Variants in GALC observed in about 807,000 individuals in gnomAD.
The protein encoded by GALC is galactosylceramidase.
A neutral mutation model predicts 91.8 loss-of-function variants in GALC; 77 were observed. The observed-to-expected ratio is 0.84, with a 90% CI of 0.70 to 1.01. The LOEUF is 1.01. Among genes scored for constraint, GALC ranks in the 50% least tolerant of loss-of-function variants. The pLI is 0.00. For missense variants in GALC, 882 were observed against 855.9 expected (o/e 1.03, Z -0.38); for synonymous variants, 357 against 306.7 (o/e 1.16, Z -1.71).
chr14:87,987,324 T>C (rs1887017738), intron 3 of GALC, among the ~76,000 whole-genome samples: 1 of 152,246 alleles, frequency 6.6e-6, no homozygotes. Context: ...TATGTACCTC[T>C]ACCTCTAATT....
At chr14:87,952,866 G>C in intron 10 of GALC, 1 of 1,106,548 alleles carries the variant, frequency 9.0e-7, no homozygotes, top group Non-Finnish European at 1.4e-6. Flanking sequence ...ATGTGGATTT[G>C]AAAGCATAGT....
intron 1 of GALC, 141 bp downstream of exon 1, chr14:87,992,829 C>A (rs1887266164): frequency 7.1e-7 from 1 of 1,402,760 alleles, no homozygotes. Context: ...GCCCCAACCG[C>A]CTGCTGACTG....
chr14:87,948,531 C>T (rs12433598), intron 12 of GALC, among the ~76,000 whole-genome samples: 53,019 of 151,878 alleles, frequency 0.35, 10,415 homozygotes, highest in East Asian at 0.75. Context: ...ATGGAAAACG[C>T]TCCCAGTATC....
At chr14:87,955,498 G>A (rs190645011) in intron 10 of GALC, among the ~76,000 whole-genome samples, 296 of 152,098 alleles carry the variant, frequency 1.9e-3, no homozygotes, top group African/African-American at 7.0e-3. Flanking sequence ...TCCCTGCTAC[G>A]TTCCAGGCAT....
chr14:87,969,384 G>A (rs1240778451), intron 7 of GALC, among the ~76,000 whole-genome samples: 12 of 152,150 alleles, frequency 7.9e-5, no homozygotes, highest in South Asian at 4.1e-4. Context: ...TCTATCATTC[G>A]ATGGGAGGGG....
At chr14:87,968,549 G>C in intron 7 of GALC, 59 bp from the exon 8 acceptor site, 3 of 1,476,266 alleles carry the variant, frequency 2.0e-6, no homozygotes, top group Non-Finnish European at 2.8e-6. Context: ...ACTTATATAC[G>C]TATAGATTTG....
At position 87,934,000 on chromosome 14, in the gene GALC, C is replaced by G; in HGVS notation, c.*732G>C. On this transcript the variant is annotated 3_prime_UTR_variant, in exon 17 of 17. Transcript: ENST00000261304. ...AGGTTTTCTTCCTTCTTCCAGCCAC[C>G]TGGAAAAACGTTCACAGAGAGTTAT... The G allele has an allele frequency of 6.5e-7, 1 of 1,534,602 alleles. No individual in the cohort carries two copies. Among genetic ancestry groups the G allele is most frequent in the Non-Finnish European group, 8.7e-7 (1 of 1,146,034 alleles).
At chr14:87,981,525 A>G in intron 6 of GALC, 1 of 162,866 alleles carries the variant, frequency 6.1e-6, no homozygotes, top group East Asian at 1.8e-4. Context: ...TATATTTCTT[A>G]GAGAAAAGAT....
intron 16 of GALC, among the ~76,000 whole-genome samples, chr14:87,935,531 G>T (rs1401977773): frequency 1.3e-5 from 2 of 152,016 alleles, no homozygotes; most frequent in African/African-American, 2.4e-5. Context: ...GTGACTTACT[G>T]GTCACTGACA....
Position 87,950,727 on chromosome 14 carries a change from T to G in GALC, c.1183A>C (p.Ile395Leu), listed in dbSNP as rs763125933. Residue 395 changes from isoleucine to leucine, a missense_variant, in exon 11 of 17, where the codon ATA becomes CTA. By Grantham distance (5) the Ile-to-Leu change is conservative (BLOSUM62 2). Coordinates refer to ENST00000261304, the MANE Select transcript of GALC (RefSeq NM_000153.4). ...TTGAAATAAGGAAGAAATGGCCGTA[T>G]GCACTTAGAATGTTTATGACTCTGA... ...ETMSHKHSKC[I>L]RPFLPYFNVS... The G allele has an allele frequency of 2.5e-6, 4 of 1,596,374 alleles. No homozygotes were observed. The South Asian group carries it at 3.3e-5, about 13-fold the overall frequency.
intron 12 of GALC, among the ~76,000 whole-genome samples, chr14:87,949,343 C>G (rs936582347): frequency 2.0e-5 from 3 of 151,946 alleles, no homozygotes; most frequent in Non-Finnish European, 2.9e-5. Context: ...ATGTGCTACA[C>G]TAAGGAATGT....
intron 8 of GALC, among the ~76,000 whole-genome samples, chr14:87,966,946 T>C (rs891432342): frequency 2.6e-5 from 4 of 152,140 alleles, no homozygotes; most frequent in African/African-American, 9.7e-5. Context: ...TTGTGTGGCA[T>C]CAGAATCACT....
rs1884457974 is a variant in GALC, at chr14:87,933,838, T to C, written c.*894A>G. The C allele has an allele frequency of 6.0e-6, 4 of 663,992 alleles. No homozygotes were observed. The highest frequency in any genetic ancestry group is 5.3e-5 in the Admixed American group (2 of 38,008). The allele number at this position is 663,992 out of a possible 1,614,324, so 41.1% of individuals were successfully genotyped here. On this transcript the variant is annotated 3_prime_UTR_variant, in exon 17 of 17. Coordinates refer to ENST00000261304, the MANE Select transcript of GALC (RefSeq NM_000153.4). ...TTCTGGGAGTTAGCAAATGTCTAAG[T>C]GCTCCCCTCCTTCCACACATAAGGA...
chr14:87,983,197 G>C (rs1246584062), intron 5 of GALC, among the ~76,000 whole-genome samples: 1 of 151,990 alleles, frequency 6.6e-6, no homozygotes, highest in African/African-American at 2.4e-5. Flanking sequence ...AAAACTAGCT[G>C]GGTGTGGTGG....
intron 7 of GALC, among the ~76,000 whole-genome samples, chr14:87,972,122 A>T (rs1311839394): frequency 6.6e-6 from 1 of 151,960 alleles, no homozygotes; most frequent in African/African-American, 2.4e-5. Context: ...CCAAAATTGG[A>T]AACAGTCTAA....
chr14:87,983,099 G>GGAGGCC (rs1331709553), intron 5 of GALC, among the ~76,000 whole-genome samples: 1 of 152,104 alleles, frequency 6.6e-6, no homozygotes, highest in African/African-American at 2.4e-5. Context: ...CAGCACTTTG[G>GGAGGCC]GAGGCCGAGG....
intron 14 of GALC, among the ~76,000 whole-genome samples, chr14:87,942,565 G>C (rs1014253565): frequency 6.6e-6 from 1 of 151,956 alleles, no homozygotes; most frequent in Non-Finnish European, 1.5e-5. Context: ...GAAAAAGAAA[G>C]CCTGCACATA....
chr14:87,983,688 C>G (rs867989673), intron 5 of GALC, among the ~76,000 whole-genome samples: 1 of 152,118 alleles, frequency 6.6e-6, no homozygotes, highest in Non-Finnish European at 1.5e-5. Context: ...TGTTAAGGCC[C>G]TGTGGGGTAC....
chr14:87,947,711 T>C lies in GALC; in HGVS notation c.1489+17A>G. On this transcript the variant is annotated intron_variant, in intron 13 of 16. Transcript: ENST00000261304. ...TAAATATAGAGACCAAGTTAAGTTT[T>C]AGTGAAAAATACTCACCAACATTGA... 1 of 1,609,814 alleles carries C rather than the reference T, an allele frequency of 6.2e-7. No individual in the cohort carries two copies. The highest frequency in any genetic ancestry group is 1.7e-4 in the Middle Eastern group (1 of 5,968).
Sources: allele counts gnomAD v4.1 joint callset (sites outside exome capture counted in the v4.1 genomes callset), GRCh38; gene constraint gnomAD v4.1.1; transcripts MANE v1.5; gene names NCBI Gene and HGNC (gene_info 2026-07-23, HGNC 2026-07-21).